STK32C: variants seen among roughly 807,000 people sequenced by gnomAD.
STK32C encodes the protein serine/threonine kinase 32C, also known as serine/threonine-protein kinase 32C.
In STK32C, 31 loss-of-function variants were observed where a neutral mutation model predicts 56.5. The observed-to-expected ratio is 0.55, with a 90% CI of 0.41 to 0.74. The LOEUF (loss-of-function observed/expected upper bound fraction) is 0.74. Ranked by LOEUF, STK32C falls within the 30% of genes least tolerant of loss-of-function variation. The probability of loss-of-function intolerance (pLI) is 0.00; values close to 1 mark genes in which losing one functional copy is unlikely to be tolerated. For synonymous variants in STK32C, 309 were observed against 289.4 expected (o/e 1.07, Z -0.69); for missense variants, 544 against 676.9 (o/e 0.80, Z 2.18).
At chr10:132,312,958 C>T (rs752362628) in intron 1 of STK32C, among the ~76,000 whole-genome samples, 23 of 152,250 alleles carry the variant, frequency 1.5e-4, no homozygotes, top group Non-Finnish European at 2.9e-4. Flanking sequence ...GAGAATCACC[C>T]GAACCTGTGA....
intron 2 of STK32C, among the ~76,000 whole-genome samples, chr10:132,243,353 G>A (rs559037244): frequency 6.6e-6 from 1 of 152,328 alleles, no homozygotes; most frequent in Admixed American, 6.5e-5. Flanking sequence ...GGAGGCAGCA[G>A]GCTTCTAATC....
Position 132,307,823 on chromosome 10 carries a change from C to T in STK32C, c.11G>A (p.Gly4Asp). MRSGAERRGSSAAA... is the reference protein window; with the variant it reads MRSDAERRGSSAAA... ...GGCGCTGCTGCCCCTGCGCTCGGCG[C>T]CACTCCTCATCGCCGGGTCTGGGTG... The change falls in exon 1 of 12, where the codon GGC becomes GAC. Residue 4 changes from glycine to aspartate, a missense_variant. This residue lies in a region of STK32C where 182 missense variants were observed against 217.7 expected (regional missense o/e 0.84). Transcript: ENST00000298630. The surrounding 1 kb of genome is among the most constrained non-coding windows in gnomAD (Gnocchi z 4.4). 5 of 1,112,606 alleles carry T rather than the reference C, an allele frequency of 4.5e-6. No individual in the cohort carries two copies. The highest frequency in any genetic ancestry group is 5.5e-6 in the Non-Finnish European group (5 of 906,600). The allele number at this position is 1,112,606 out of a possible 1,614,324, so 68.9% of individuals were successfully genotyped here.
Position 132,222,867 on chromosome 10 carries a change from C to T in STK32C, c.1113G>A (p.Val371=). ...LSEKRVEPGF[V]PNKGRLHCDP... ...GAGCCGCCCACAGGCTTACGTTGGG[C>T]ACGAAGCCCGGCTCCACCCTCTTCT... The change falls in exon 9 of 12, where the codon GTG becomes GTA. Residue 371 remains valine (V), a synonymous_variant. Coordinates refer to ENST00000298630, the MANE Select transcript of STK32C (RefSeq NM_173575.4). The T allele has an allele frequency of 6.3e-7, 1 of 1,586,266 alleles. No homozygotes were observed. The highest frequency in any genetic ancestry group is 8.6e-7 in the Non-Finnish European group (1 of 1,168,676).
Position 132,225,543 on chromosome 10 carries a change from G to A in STK32C, c.756C>T (p.Gly252=). 6.2e-7 allele frequency: 1 copy of A among 1,613,834 alleles called. No homozygotes were observed. The highest frequency in any genetic ancestry group is 8.5e-7 in the Non-Finnish European group (1 of 1,180,024). The change falls in exon 6 of 12, where the codon GGC becomes GGT. Residue 252 remains glycine (G), a synonymous_variant. Transcript: ENST00000298630. ...KDGERATALA[G]TKPYMAPEIF... is the part of the protein sequence containing the mutation. ...CGGGCTCACCCATGTACGGCTTGGT[G>A]CCTGCTAATGCCGTCGCCCGCTCCC...
intron 1 of STK32C, among the ~76,000 whole-genome samples, chr10:132,247,099 C>T (rs1483173852): frequency 2.6e-5 from 4 of 152,216 alleles, no homozygotes; most frequent in African/African-American, 9.6e-5. Flanking sequence ...AGGGAAGACA[C>T]AGCCAAGGCC....
chr10:132,256,489 T>TTA (rs1169878046), intron 1 of STK32C, among the ~76,000 whole-genome samples: 1 of 152,106 alleles, frequency 6.6e-6, no homozygotes, highest in African/African-American at 2.4e-5. Flanking sequence ...CATAAATGAG[T>TTA]GATTAGGGCA....
At chr10:132,239,815 G>T (rs1276683912) in intron 2 of STK32C, among the ~76,000 whole-genome samples, 1 of 152,214 alleles carries the variant, frequency 6.6e-6, no homozygotes, top group Non-Finnish European at 1.5e-5. Context: ...ACATAGGCCC[G>T]GGTTCCCCAG....
In STK32C at chr10:132,284,290, G is replaced by T. The variant is rs575354759; in HGVS notation, c.262+23282C>A. Among the ~76,000 whole-genome samples, 26 of 73,280 alleles carry T rather than the reference G, an allele frequency of 3.5e-4. No homozygotes were observed. The East Asian group carries it at 7.5e-3, about 21-fold the overall frequency. 48.1% of individuals were successfully genotyped at this position (73,280 alleles called of 152,430 possible). On this transcript the variant is annotated intron_variant, in intron 1 of 11. Transcript: ENST00000298630. ...GTGGAGAACAGGGGCAGGTGAGGTT[G>T]GGGGGGGCAGGTGAGGTTGGGGGGG...
intron 10 of STK32C, among the ~76,000 whole-genome samples, chr10:132,217,305 G>GCC (rs2062503002): frequency 1.3e-5 from 2 of 152,210 alleles, no homozygotes; most frequent in Admixed American, 1.3e-4. Flanking sequence ...GGGGCCTGTA[G>GCC]CCCCTTTGTT....
At chr10:132,293,876 A>G (rs1265673649) in intron 1 of STK32C, among the ~76,000 whole-genome samples, 1 of 152,204 alleles carries the variant, frequency 6.6e-6, no homozygotes, top group Non-Finnish European at 1.5e-5. Context: ...AGAAGGAGCC[A>G]GGGCACAGGG....
At chr10:132,299,564 G>C (rs1439555618) in intron 1 of STK32C, among the ~76,000 whole-genome samples, 3 of 152,268 alleles carry the variant, frequency 2.0e-5, no homozygotes, top group Non-Finnish European at 4.4e-5. Context: ...GCAGCTCTCT[G>C]AGCCGCTCTG....
At chr10:132,325,819 T>G (rs1287713595) in intron 1 of STK32C, among the ~76,000 whole-genome samples, 1 of 151,424 alleles carries the variant, frequency 6.6e-6, no homozygotes, top group Non-Finnish European at 1.5e-5. Flanking sequence ...CCTCCCGGGT[T>G]CATGCCATTC....
Position 132,239,802 on chromosome 10 carries a change from G to A in STK32C, c.318+6098C>T, listed in dbSNP as rs553254321. On this transcript the variant is annotated intron_variant, in intron 2 of 11. Transcript: ENST00000298630. Reference sequence around the variant, plus strand: ...GGCTGTCATGTGAGGGGTCACTCACGGCACATAGGCCCGGGTTCCCCAGGT... The same window carrying A: ...GGCTGTCATGTGAGGGGTCACTCACAGCACATAGGCCCGGGTTCCCCAGGT... Among the ~76,000 whole-genome samples the A allele has an allele frequency of 7.9e-5, 12 of 152,330 alleles. 1 individual carries two copies. In the South Asian group the frequency reaches 2.3e-3, roughly 29 times the overall value.
At chr10:132,299,781 G>C (rs1424016354) in intron 1 of STK32C, among the ~76,000 whole-genome samples, 1 of 152,226 alleles carries the variant, frequency 6.6e-6, no homozygotes, top group East Asian at 1.9e-4. Flanking sequence ...GTGTCCCCTG[G>C]GCACGAACAG....
chr10:132,245,995 C>A (rs2063673376), intron 1 of STK32C, 40 bp from the exon 2 acceptor site: 1 of 1,596,278 alleles, frequency 6.3e-7, no homozygotes, highest in South Asian at 1.1e-5. Context: ...GAGGTGGCAG[C>A]AAGGCCCCAC....
chr10:132,271,529 CAT>C (rs1264494506), intron 1 of STK32C, among the ~76,000 whole-genome samples: 1 of 152,190 alleles, frequency 6.6e-6, no homozygotes, highest in Non-Finnish European at 1.5e-5. Context: ...TTGTCCCGTC[CAT>C]TGTGGCCAAA....
At chr10:132,324,130 AGCT>A (rs895551104) in exon 2 of STK32C, 29 of 673,928 alleles carry the variant, frequency 4.3e-5, no homozygotes, top group Non-Finnish European at 6.3e-5. Context: ...CAATCACAGC[AGCT>A]GGGAAAATGG....
intron 1 of STK32C, among the ~76,000 whole-genome samples, chr10:132,293,895 A>G (rs1488020551): frequency 2.0e-5 from 3 of 152,192 alleles, no homozygotes; most frequent in Non-Finnish European, 4.4e-5. Context: ...GGGGCCCTTC[A>G]GAGGGTAGAG....
intron 2 of STK32C, among the ~76,000 whole-genome samples, chr10:132,233,689 A>C (rs1236621217): frequency 6.6e-6 from 1 of 152,220 alleles, no homozygotes; most frequent in Non-Finnish European, 1.5e-5. Context: ...AGAGGCTGGG[A>C]ACCCCCCATG....
Sources: allele counts gnomAD v4.1 joint callset (sites outside exome capture counted in the v4.1 genomes callset), GRCh38; gene constraint gnomAD v4.1.1; regional missense constraint gnomAD v4.1.1; non-coding constraint Gnocchi (gnomAD v3.1); transcripts MANE v1.5; gene names NCBI Gene and HGNC (gene_info 2026-07-23, HGNC 2026-07-21).